SASH1: variants seen among roughly 807,000 people sequenced by gnomAD.
The protein encoded by SASH1 is SAM and SH3 domain-containing protein 1.
A neutral mutation model predicts 125.2 loss-of-function variants in SASH1; 44 were observed. The observed-to-expected ratio is 0.35, with a 90% confidence interval of 0.28 to 0.45. SASH1 has a LOEUF of 0.45. SASH1 is among the 20% of genes least tolerant of loss of function. SASH1 has a pLI of 1.00. For missense variants in SASH1, 1,426 were observed against 1,614.5 expected, an observed-to-expected ratio of 0.88 and a Z score of 2.00; for synonymous variants, 639 against 649.1, an observed-to-expected ratio of 0.98 and a Z score of 0.24.
At chr6:148,492,827 TATAAATAAATAAATAAATAAATAA>T (rs4052629) in intron 8 of SASH1, among the ~76,000 whole-genome samples, 56 of 145,522 alleles carry the variant, frequency 3.8e-4, no homozygotes, top group African/African-American at 1.2e-3. Flanking sequence ...TCTCATAAAA[TATAAATAAATAAATAAATAAATAA>T]ATAAATAAAT....
At chr6:148,316,599 G>A (rs955105317) in intron 1 of SASH1, among the ~76,000 whole-genome samples, 4 of 152,186 alleles carry the variant, frequency 2.6e-5, no homozygotes, top group African/African-American at 4.8e-5. Flanking sequence ...GCTGGGCAGC[G>A]CATTATCTGG....
At chr6:148,207,988 G>A in the SASH1 span, among the ~76,000 whole-genome samples, 3 of 152,146 alleles carry the variant, frequency 2.0e-5, no homozygotes, top group Non-Finnish European at 4.4e-5. Flanking sequence ...CTGCATTTAA[G>A]CAGACCTTTA....
At chr6:148,288,975 C>T (rs1779555439) in intron 1 of SASH1, among the ~76,000 whole-genome samples, 1 of 152,020 alleles carries the variant, frequency 6.6e-6, no homozygotes, top group Non-Finnish European at 1.5e-5. Context: ...TTAGGGCATG[C>T]CTGTGCCCTT....
intron 2 of SASH1, among the ~76,000 whole-genome samples, chr6:148,423,889 TA>T (rs974570588): frequency 1.3e-5 from 2 of 151,790 alleles, no homozygotes; most frequent in Non-Finnish European, 2.9e-5. Flanking sequence ...CTTCTCCCAT[TA>T]AAAAAAACTC....
In SASH1 at chr6:148,544,663, C is replaced by T; in HGVS notation, c.3193C>T (p.Pro1065Ser). 2 of 1,613,348 alleles carry T rather than the reference C, an allele frequency of 1.2e-6. No homozygotes were observed. The highest frequency in any genetic ancestry group is 1.7e-6 in the Non-Finnish European group (2 of 1,179,740). Residue 1065 changes from proline to serine, a missense_variant, in exon 18 of 20, where the codon CCC (proline) becomes TCC (serine). Physicochemically the swap from Pro to Ser is moderately conservative, Grantham distance 74. Transcript: ENST00000367467. This position sits in a 1 kb window ranked among gnomAD's most constrained non-coding sequence, Gnocchi z 6.4. The part of the protein sequence containing the change: ...TRPPPWLSEL[P>S]ENTSLQEHGV... ...GCCGCCCCCCTGGCTCTCAGAGCTC[C>T]CCGAGAACACAAGCCTCCAGGAGCA...
chr6:148,220,258 C>T, the SASH1 span, among the ~76,000 whole-genome samples: 1 of 152,180 alleles, frequency 6.6e-6, no homozygotes, highest in African/African-American at 2.4e-5. Context: ...ACCTTCAACT[C>T]TGTATCCTCA....
intron 1 of SASH1, among the ~76,000 whole-genome samples, chr6:148,323,563 A>G (rs1274959897): frequency 6.6e-6 from 1 of 152,180 alleles, no homozygotes; most frequent in African/African-American, 2.4e-5. Context: ...GTAAGACTCC[A>G]TGGCCCCTCC....
chr6:148,418,547 A>G (rs188050122), intron 2 of SASH1, among the ~76,000 whole-genome samples: 95 of 152,364 alleles, frequency 6.2e-4, no homozygotes, highest in Non-Finnish European at 1.2e-3. Context: ...TGACTTCCAT[A>G]GTAAGGCACT....
At chr6:148,363,340 C>T (rs1475880349) in intron 1 of SASH1, among the ~76,000 whole-genome samples, 2 of 151,730 alleles carry the variant, frequency 1.3e-5, no homozygotes, top group East Asian at 3.9e-4. Context: ...CAGGGTTTCA[C>T]CATGTTGCCC....
At chr6:148,543,240 A>G (rs1782339875) in intron 17 of SASH1, among the ~76,000 whole-genome samples, 1 of 152,178 alleles carries the variant, frequency 6.6e-6, no homozygotes, top group Non-Finnish European at 1.5e-5. Flanking sequence ...TCTGTAGGGG[A>G]TACCATTTAT....
intron 1 of SASH1, among the ~76,000 whole-genome samples, chr6:148,362,141 A>C (rs1022026346): frequency 2.6e-5 from 4 of 151,148 alleles, no homozygotes; most frequent in African/African-American, 4.9e-5. Context: ...GTTAGCCAGG[A>C]TGGTCTCGAT....
At chr6:148,366,252 C>T (rs930982378) in intron 1 of SASH1, among the ~76,000 whole-genome samples, 5 of 152,088 alleles carry the variant, frequency 3.3e-5, no homozygotes, top group Admixed American at 1.3e-4. Context: ...CCACTGCAGT[C>T]CAGCCTGGGC....
intron 8 of SASH1, among the ~76,000 whole-genome samples, chr6:148,500,904 A>G (rs1467471511): frequency 1.3e-5 from 2 of 152,128 alleles, no homozygotes; most frequent in Non-Finnish European, 2.9e-5. Context: ...TTGTTTTGCC[A>G]ATTGGATGAC....
the SASH1 span, among the ~76,000 whole-genome samples, chr6:148,212,550 C>A: frequency 6.6e-6 from 1 of 152,214 alleles, no homozygotes; most frequent in South Asian, 2.1e-4. Context: ...ATTCCTCTCT[C>A]TTAATGTGAC....
chr6:148,319,743 A>G (rs544407055), intron 1 of SASH1, among the ~76,000 whole-genome samples: 1 of 151,744 alleles, frequency 6.6e-6, no homozygotes, highest in Non-Finnish European at 1.5e-5. Flanking sequence ...CGAATTCCCG[A>G]TCTCAGGTGA....
chr6:148,539,943 T>G (rs2115437410), intron 16 of SASH1, among the ~76,000 whole-genome samples: 1 of 152,226 alleles, frequency 6.6e-6, no homozygotes, highest in South Asian at 2.1e-4. Context: ...TAAAATTTAT[T>G]TCATTTGACA....
At position 148,463,523 on chromosome 6, in the gene SASH1, C is replaced by T. The variant is rs181434673; in HGVS notation, c.387-5022C>T. Among the ~76,000 whole-genome samples, 6 of 152,244 alleles carry T rather than the reference C, an allele frequency of 3.9e-5. No individual in the cohort carries two copies. In the East Asian group the frequency reaches 1.2e-3, roughly 29 times the overall value. The stretch of plus-strand genomic sequence containing the variant: ...AGCACTCTGCCTTCTTTTCCTTCTC[C>T]CACTGGCTGCTCCTCCTAAGTCTCA... On this transcript the variant is annotated intron_variant, in intron 4 of 19. Transcript: ENST00000367467.
At chr6:148,387,524 T>C (rs1185597339) in intron 1 of SASH1, among the ~76,000 whole-genome samples, 2 of 149,858 alleles carry the variant, frequency 1.3e-5, no homozygotes, top group Non-Finnish European at 3.0e-5. Context: ...TCCTTCTTTC[T>C]TTCTTTCTTC....
intron 8 of SASH1, among the ~76,000 whole-genome samples, chr6:148,492,054 A>G (rs1475791857): frequency 6.6e-6 from 1 of 152,214 alleles, no homozygotes; most frequent in Non-Finnish European, 1.5e-5. Flanking sequence ...CCAGTTGTCC[A>G]TACCGGGTCC....
Sources: gnomAD v4.1 joint callset for allele counts (sites outside exome capture counted in the v4.1 genomes callset) on GRCh38, gnomAD v4.1.1 for gene constraint, Gnocchi (gnomAD v3.1) non-coding constraint, MANE v1.5 for transcripts, NCBI Gene and HGNC (gene_info 2026-07-23, HGNC 2026-07-21) for gene names.